The following JMJD1C variants were observed in gnomAD, a reference collection of about 807,000 sequenced individuals.
The protein encoded by JMJD1C is jumonji domain-containing protein 1C.
In JMJD1C, 31 loss-of-function variants were observed where a neutral mutation model predicts 245.3. The ratio of observed to expected loss-of-function variants is 0.13; its 90% CI spans 0.09 to 0.17. JMJD1C has a LOEUF of 0.17. Ranked by LOEUF, JMJD1C falls within the 10% of genes least tolerant of loss-of-function variation. The pLI, the probability that JMJD1C is intolerant of heterozygous loss-of-function variation, is 1.00. For missense variants in JMJD1C, 2,691 were observed against 3,000.2 expected, an observed-to-expected ratio of 0.90 and a Z score of 2.41; for synonymous variants, 1,057 against 1,017.4, an observed-to-expected ratio of 1.04 and a Z score of -0.74.
chr10:63,171,236 A>C (rs1842324146), intron 24 of JMJD1C, among the ~76,000 whole-genome samples: 1 of 152,074 alleles, frequency 6.6e-6, no homozygotes, highest in Non-Finnish European at 1.5e-5. Context: ...ACCTCAGAAT[A>C]CTACAGCTGA....
intron 1 of JMJD1C, among the ~76,000 whole-genome samples, chr10:63,504,722 T>C (rs778846971): frequency 1.3e-5 from 2 of 152,162 alleles, no homozygotes. Flanking sequence ...CTGCTTGCTA[T>C]GCAGATTGAA....
intron 1 of JMJD1C, among the ~76,000 whole-genome samples, chr10:63,500,224 C>T (rs1728200300): frequency 1.3e-5 from 2 of 152,170 alleles, no homozygotes; most frequent in South Asian, 4.2e-4. Context: ...AAGTTCGAGA[C>T]CAGCTTGGGT....
At chr10:63,399,105 G>A (rs1306248987) in intron 1 of JMJD1C, among the ~76,000 whole-genome samples, 2 of 152,166 alleles carry the variant, frequency 1.3e-5, no homozygotes, top group African/African-American at 4.8e-5. Context: ...TTTAGGGAAA[G>A]CATCATAAAC....
At chr10:63,169,618 G>T (rs1256049425) in intron 24 of JMJD1C, among the ~76,000 whole-genome samples, 1 of 152,144 alleles carries the variant, frequency 6.6e-6, no homozygotes, top group Non-Finnish European at 1.5e-5. Flanking sequence ...ATGACCACCT[G>T]AACAGCTGCT....
chr10:63,431,680 A>AC (rs947988661), intron 1 of JMJD1C, among the ~76,000 whole-genome samples: 15 of 152,314 alleles, frequency 9.8e-5, no homozygotes, highest in Admixed American at 3.9e-4. Context: ...TGATATTGTA[A>AC]CTCAGGGTCC....
At chr10:63,209,847 C>T (rs1847111737) in intron 8 of JMJD1C, among the ~76,000 whole-genome samples, 1 of 152,126 alleles carries the variant, frequency 6.6e-6, no homozygotes, top group African/African-American at 2.4e-5. Context: ...TGTCTCATGA[C>T]TGAATATAAG....
intron 10 of JMJD1C, chr10:63,202,599 T>G: frequency 2.0e-6 from 2 of 985,464 alleles, no homozygotes; most frequent in South Asian, 9.4e-5. Flanking sequence ...TTCTTTACAA[T>G]TACATGCTTT....
chr10:63,462,270 C>G (rs1229574561), intron 1 of JMJD1C, among the ~76,000 whole-genome samples: 1 of 151,962 alleles, frequency 6.6e-6, no homozygotes, highest in Non-Finnish European at 1.5e-5. Flanking sequence ...CCAACATAAC[C>G]TAATGAAAAC....
chr10:63,443,108 G>T (rs1043620819), intron 1 of JMJD1C, among the ~76,000 whole-genome samples: 2 of 152,110 alleles, frequency 1.3e-5, no homozygotes, highest in Non-Finnish European at 2.9e-5. Context: ...GTAATTTGGT[G>T]CAATAACTCA....
At chr10:63,413,317 T>C (rs531459965) in intron 1 of JMJD1C, among the ~76,000 whole-genome samples, 144 of 152,312 alleles carry the variant, frequency 9.5e-4, no homozygotes, top group Non-Finnish European at 1.6e-3. Flanking sequence ...AAGAGGTTAT[T>C]ACTCTCTTTA....
chr10:63,384,986 TAG>T lies in JMJD1C; in HGVS notation c.169-4506_169-4505del, dbSNP rs534378487. Reference sequence around the variant, plus strand: ...CTAAGCTAGCTTTCTGATTTCAAGTTAGAGATGTGTGACTATTCCTTTCACTT... The same window carrying T: ...CTAAGCTAGCTTTCTGATTTCAAGTTAGATGTGTGACTATTCCTTTCACTT... On this transcript the variant is annotated intron_variant, in intron 1 of 25. Transcript: ENST00000399262. 2.6e-5 allele frequency among the ~76,000 whole-genome samples: 4 copies of T among 152,264 alleles called. No homozygotes were observed. In the East Asian group the frequency reaches 7.7e-4, roughly 29 times the overall value.
chr10:63,203,895 T>C (rs1018382801), intron 10 of JMJD1C: 50 of 981,064 alleles, frequency 5.1e-5, no homozygotes, highest in Admixed American at 1.2e-4. Flanking sequence ...ACAATTCTAC[T>C]AAACAATAGA....
At chr10:63,272,292 C>T in intron 2 of JMJD1C, among the ~76,000 whole-genome samples, 1 of 151,754 alleles carries the variant, frequency 6.6e-6, no homozygotes, top group South Asian at 2.1e-4. Flanking sequence ...CTCTTTTTTG[C>T]CCAGGCTGGA....
At chr10:63,285,690 C>T (rs764652325) in intron 2 of JMJD1C, among the ~76,000 whole-genome samples, 1 of 152,148 alleles carries the variant, frequency 6.6e-6, no homozygotes, top group South Asian at 2.1e-4. Context: ...TGCCTCTAGT[C>T]CCAGCTACTC....
At chr10:63,193,291 A>C (rs1464455635) in intron 15 of JMJD1C, 54 bp downstream of exon 15, 1 of 1,524,466 alleles carries the variant, frequency 6.6e-7, no homozygotes, top group Non-Finnish European at 8.9e-7. Context: ...TAAATATCAA[A>C]GTTGACTAAT....
intron 1 of JMJD1C, among the ~76,000 whole-genome samples, chr10:63,495,542 C>T (rs568321687): frequency 2.6e-5 from 4 of 152,158 alleles, no homozygotes; most frequent in South Asian, 2.1e-4. Context: ...GAAGCCGAGG[C>T]GGGCAGATCA....
intron 22 of JMJD1C, among the ~76,000 whole-genome samples, chr10:63,179,845 G>C (rs1448745161): frequency 1.3e-5 from 2 of 151,546 alleles, no homozygotes; most frequent in East Asian, 3.9e-4. Flanking sequence ...CCATTATCTT[G>C]AGCAAAAAAA....
intron 1 of JMJD1C, among the ~76,000 whole-genome samples, chr10:63,476,451 G>A (rs1333287229): frequency 6.6e-6 from 1 of 152,032 alleles, no homozygotes; most frequent in Non-Finnish European, 1.5e-5. Flanking sequence ...ATTATAGGCT[G>A]GACAGAGTAG....
intron 2 of JMJD1C, among the ~76,000 whole-genome samples, chr10:63,282,682 A>G (rs1857543788): frequency 6.6e-6 from 1 of 152,178 alleles, no homozygotes; most frequent in African/African-American, 2.4e-5. Context: ...AATTTCGATA[A>G]CATTTCTTCT....
Sources: allele counts gnomAD v4.1 joint callset (sites outside exome capture counted in the v4.1 genomes callset), GRCh38; gene constraint gnomAD v4.1.1; transcripts MANE v1.5; gene names NCBI Gene and HGNC (gene_info 2026-07-23, HGNC 2026-07-21).